Variants in ESRRB observed in about 807,000 individuals in gnomAD.
ESRRB encodes the protein estrogen related receptor beta.
Under a neutral mutation model 46.0 loss-of-function variants are expected in ESRRB, and 16 were observed. The ratio of observed to expected loss-of-function variants is 0.35; its 90% CI spans 0.24 to 0.53. ESRRB has a LOEUF of 0.53. Among genes scored for constraint, ESRRB ranks in the 20% least tolerant of loss-of-function variants. The probability of loss-of-function intolerance (pLI) is 0.93; values close to 1 mark genes in which losing one functional copy is unlikely to be tolerated. For synonymous variants in ESRRB, 246 were observed against 259.6 expected (o/e 0.95, Z 0.50); for missense variants, 488 against 607.4 (o/e 0.80, Z 2.07).
At chr14:76,453,247 GT>G (rs1365206215) in intron 2 of ESRRB, among the ~76,000 whole-genome samples, 3 of 152,216 alleles carry the variant, frequency 2.0e-5, no homozygotes, top group African/African-American at 7.2e-5. Context: ...TATTTCATCA[GT>G]TCTAAGATGC....
At chr14:76,338,187 T>C (rs956310995) in intron 1 of ESRRB, among the ~76,000 whole-genome samples, 3 of 152,250 alleles carry the variant, frequency 2.0e-5, no homozygotes, top group Non-Finnish European at 4.4e-5. Flanking sequence ...GTCAGGATCT[T>C]ATCACCAGTT....
At chr14:76,428,455 G>C (rs773186333) in intron 1 of ESRRB, among the ~76,000 whole-genome samples, 3 of 152,130 alleles carry the variant, frequency 2.0e-5, no homozygotes, top group Non-Finnish European at 4.4e-5. Context: ...CTGAATTTTC[G>C]ATGTCCTTCC....
chr14:76,389,125 C>T (rs1885365155), intron 1 of ESRRB, among the ~76,000 whole-genome samples: 1 of 152,172 alleles, frequency 6.6e-6, no homozygotes, highest in Non-Finnish European at 1.5e-5. Flanking sequence ...AAACTTTTAC[C>T]TATGTATACA....
intron 5 of ESRRB, among the ~76,000 whole-genome samples, chr14:76,484,010 C>T (rs1170300776): frequency 1.3e-5 from 2 of 152,188 alleles, no homozygotes; most frequent in African/African-American, 4.8e-5. Flanking sequence ...CCTGCCACCA[C>T]ACCCAGCTAA....
chr14:76,314,948 T>A (rs1883780857), intron 1 of ESRRB, among the ~76,000 whole-genome samples: 1 of 152,088 alleles, frequency 6.6e-6, no homozygotes, highest in Non-Finnish European at 1.5e-5. Context: ...TGAACACACA[T>A]CCTTTTTTCT....
At chr14:76,487,883 G>T (rs760519889) in intron 5 of ESRRB, among the ~76,000 whole-genome samples, 1 of 152,192 alleles carries the variant, frequency 6.6e-6, no homozygotes, top group Non-Finnish European at 1.5e-5. Flanking sequence ...GATTACAGGC[G>T]TGAGCCACCG....
At chr14:76,382,371 G>A (rs754915426) in intron 1 of ESRRB, among the ~76,000 whole-genome samples, 3 of 152,214 alleles carry the variant, frequency 2.0e-5, no homozygotes, top group Non-Finnish European at 4.4e-5. Flanking sequence ...CTAGGTGGCT[G>A]TCCCTCTGGT....
chr14:76,416,133 CTTTTTTTTTTT>C (rs550161182), intron 1 of ESRRB, among the ~76,000 whole-genome samples: 1 of 131,748 alleles, frequency 7.6e-6, no homozygotes, highest in East Asian at 2.2e-4. Flanking sequence ...ACCATTTTCC[CTTTTTTTTTTT>C]TTTTTTTTGA....
chr14:76,376,488 C>T lies in ESRRB; in HGVS notation c.50+37C>T, dbSNP rs538545512. On this transcript the variant is annotated intron_variant, in intron 1 of 6. Coordinates refer to ENST00000644823, the MANE Select transcript of ESRRB (RefSeq NM_001379180.1). The surrounding 1 kb of genome is among the most constrained non-coding windows in gnomAD (Gnocchi z 4.1). ...GCTTCTCGGTCTGTCTGTCCTTCTGCCCGTCTGGCAGTCTCTGTCCTGGGG... is the reference window on the plus strand; with the variant it reads ...GCTTCTCGGTCTGTCTGTCCTTCTGTCCGTCTGGCAGTCTCTGTCCTGGGG... 55 of 1,222,144 alleles carry T rather than the reference C, an allele frequency of 4.5e-5. No individual in the cohort carries two copies. The South Asian group carries it at 2.0e-3, about 44-fold the overall frequency. 75.7% of individuals were successfully genotyped at this position (1,222,144 alleles called of 1,614,324 possible).
intron 3 of ESRRB, 112 bp from the exon 4 acceptor site, chr14:76,481,904 C>T (rs1395890153): frequency 1.1e-6 from 1 of 942,940 alleles, no homozygotes; most frequent in Non-Finnish European, 1.7e-6. Context: ...TGTCGAAGGT[C>T]ATCCGAGCAA....
intron 1 of ESRRB, among the ~76,000 whole-genome samples, chr14:76,364,519 T>C (rs1884499441): frequency 6.6e-6 from 1 of 152,072 alleles, no homozygotes; most frequent in African/African-American, 2.4e-5. Flanking sequence ...TGAAAACCCA[T>C]CTCTACTAAA....
At position 76,499,136 on chromosome 14, in the gene ESRRB, C is replaced by T; in HGVS notation, c.*678C>T. On this transcript the variant is annotated 3_prime_UTR_variant, in exon 7 of 7. Transcript: ENST00000644823. ...CACCGCGCCGGTGTCCACCTGTCCT[C>T]CTCCTCTTCTCCTCCCCCCGGGAGT... The T allele has an allele frequency of 3.1e-6, 1 of 319,380 alleles. No individual in the cohort carries two copies. The highest frequency in any genetic ancestry group is 2.6e-5 in the South Asian group (1 of 38,706). 19.8% of individuals were successfully genotyped at this position (319,380 alleles called of 1,614,324 possible). A position where few individuals can be genotyped will look rare whatever the true frequency, so the allele number is the denominator to read the frequency against.
At chr14:76,355,375 C>T (rs926190725) in intron 1 of ESRRB, among the ~76,000 whole-genome samples, 1 of 152,168 alleles carries the variant, frequency 6.6e-6, no homozygotes, top group Non-Finnish European at 1.5e-5. Context: ...CTCCCCATTG[C>T]CCATCCACAT....
chr14:76,391,381 A>T (rs1479922624), intron 1 of ESRRB, among the ~76,000 whole-genome samples: 1 of 152,216 alleles, frequency 6.6e-6, no homozygotes, highest in Non-Finnish European at 1.5e-5. Context: ...AGTGACTCAG[A>T]TACACACAGT....
At chr14:76,474,806 G>A (rs1413695663) in intron 3 of ESRRB, among the ~76,000 whole-genome samples, 1 of 148,820 alleles carries the variant, frequency 6.7e-6, no homozygotes, top group Non-Finnish European at 1.5e-5. Flanking sequence ...GACAAACTGC[G>A]ACCCTGTCTC....
At chr14:76,456,377 G>C (rs2139975495) in intron 2 of ESRRB, among the ~76,000 whole-genome samples, 1 of 152,274 alleles carries the variant, frequency 6.6e-6, no homozygotes, top group South Asian at 2.1e-4. Flanking sequence ...ACTTGTCTGG[G>C]AAAGTTATTA....
rs1368255718 is a variant in ESRRB, at chr14:76,498,325, G to A, written c.1232G>A (p.Gly411Asp). 3 of 1,612,344 alleles carry A rather than the reference G, an allele frequency of 1.9e-6. No homozygotes were observed. The highest frequency in any genetic ancestry group is 1.3e-5 in the African/African-American group (1 of 75,022). Residue 411 changes from glycine (G) to aspartate (D), a missense_variant, in exon 7 of 7, where the codon GGC becomes GAC. Gly to Asp is a moderately conservative substitution (Grantham distance 94, BLOSUM62 -1). Transcript: ENST00000644823. Reference sequence around the variant, plus strand: ...CGCCATGAGGAGCCCTGGAGGACGGGCAAGCTGCTGCTGACACTGCCGCTG... The same window carrying A: ...CGCCATGAGGAGCCCTGGAGGACGGACAAGCTGCTGCTGACACTGCCGCTG... Reference protein sequence around the residue: ...SQRHEEPWRTGKLLLTLPLLR... With the variant: ...SQRHEEPWRTDKLLLTLPLLR...
rs1566621799 is a variant in ESRRB, at chr14:76,500,677, G to A, written c.*2219G>A. On this transcript the variant is annotated 3_prime_UTR_variant, in exon 7 of 7. Transcript: ENST00000644823. ...AGGGCATCATGCCCAGCTGGCATCT[G>A]CTGTCTGTCTTTTCTAGGGAAAGCA... 2 of 1,613,722 alleles carry A rather than the reference G, an allele frequency of 1.2e-6. No individual in the cohort carries two copies. Among genetic ancestry groups the A allele is most frequent in the Admixed American group, 1.7e-5 (1 of 60,026 alleles).
intron 2 of ESRRB, among the ~76,000 whole-genome samples, chr14:76,451,043 AGAAGGTTT>A (rs1390155227): frequency 6.6e-6 from 1 of 152,202 alleles, no homozygotes; most frequent in Admixed American, 6.5e-5. Flanking sequence ...TAGAGTCCAG[AGAAGGTTT>A]ATACCTTCTG....
Sources: gnomAD v4.1 joint callset for allele counts (sites outside exome capture counted in the v4.1 genomes callset) on GRCh38, gnomAD v4.1.1 for gene constraint, Gnocchi (gnomAD v3.1) non-coding constraint, MANE v1.5 for transcripts, NCBI Gene and HGNC (gene_info 2026-07-23, HGNC 2026-07-21) for gene names.